SDK1: variants seen among roughly 807,000 people sequenced by gnomAD.
The protein encoded by SDK1 is protein sidekick-1.
SDK1 carries 157 observed loss-of-function variants against 245.5 expected under a neutral mutation model. That is an observed-to-expected ratio of 0.64 (90% confidence interval 0.56 to 0.73). The LOEUF is 0.73. Ranked by LOEUF, SDK1 falls within the 30% of genes least tolerant of loss-of-function variation. SDK1 has a pLI of 0.00. For missense variants in SDK1, 3,583 were observed against 3,002.3 expected, an observed-to-expected ratio of 1.19 and a Z score of -4.52; for synonymous variants, 1,647 against 1,278.5, an observed-to-expected ratio of 1.29 and a Z score of -6.15.
At chr7:3,951,079 A>G (rs371754236) in intron 6 of SDK1, 45 bp downstream of exon 6, 2 of 1,381,354 alleles carry the variant, frequency 1.4e-6, no homozygotes, top group African/African-American at 2.8e-5. Flanking sequence ...ATATTCCATG[A>G]CCTGTGACGA....
At chr7:3,428,780 G>C (rs11760339) in intron 1 of SDK1, among the ~76,000 whole-genome samples, 35,414 of 148,166 alleles carry the variant, frequency 0.24, 5,197 homozygotes, top group Middle Eastern at 0.35. Flanking sequence ...CCCAGCCTTG[G>C]AGTGATGAAA....
At chr7:4,065,074 C>A (rs1779785164) in intron 19 of SDK1, among the ~76,000 whole-genome samples, 1 of 152,118 alleles carries the variant, frequency 6.6e-6, no homozygotes, top group Admixed American at 6.6e-5. Flanking sequence ...ATGTTCACAA[C>A]ACATAGAAAT....
chr7:4,046,501 T>C (rs1167348969), intron 17 of SDK1, among the ~76,000 whole-genome samples: 2 of 152,236 alleles, frequency 1.3e-5, no homozygotes, highest in Non-Finnish European at 2.9e-5. Context: ...AATATAGATC[T>C]AGATTTTGTC....
At chr7:3,912,049 A>T (rs1437178877) in intron 5 of SDK1, among the ~76,000 whole-genome samples, 1 of 152,168 alleles carries the variant, frequency 6.6e-6, no homozygotes, top group Non-Finnish European at 1.5e-5. Context: ...GGCCCTGTTC[A>T]CTTAGAACAA....
At chr7:3,662,571 G>T (rs1044244672) in intron 4 of SDK1, among the ~76,000 whole-genome samples, 6 of 152,172 alleles carry the variant, frequency 3.9e-5, no homozygotes, top group African/African-American at 1.4e-4. Flanking sequence ...TGCTGACAAG[G>T]GCCGCTGCGG....
At chr7:3,435,631 C>CT (rs1213475919) in intron 1 of SDK1, among the ~76,000 whole-genome samples, 1 of 152,046 alleles carries the variant, frequency 6.6e-6, no homozygotes, top group Non-Finnish European at 1.5e-5. Flanking sequence ...TCCCAAAGTG[C>CT]TGGGATTACA....
At position 4,245,796 on chromosome 7, in the gene SDK1, A is replaced by G. The variant is rs766032879; in HGVS notation, c.6372A>G (p.Ser2124=). 2 of 1,613,898 alleles carry G rather than the reference A, an allele frequency of 1.2e-6. No homozygotes were observed. Among genetic ancestry groups the G allele is most frequent in the Non-Finnish European group, 1.7e-6 (2 of 1,179,928 alleles). ...TCAAGGAGAAGTCGGCAGATGCATC[A>G]GAATCTGAGGTCAGTGTCGGTGCCT... ...VSLKEKSADA[S]ESEATDSDYE... is the part of the protein sequence containing the mutation. Residue 2124 remains serine (S), a synonymous_variant, in exon 44 of 45, where the codon TCA becomes TCG. Coordinates refer to ENST00000404826, the MANE Select transcript of SDK1 (RefSeq NM_152744.4).
chr7:3,765,182 T>TA (rs912858798), intron 4 of SDK1, among the ~76,000 whole-genome samples: 4 of 151,708 alleles, frequency 2.6e-5, no homozygotes, highest in South Asian at 2.1e-4. Context: ...TGTGTGGCTT[T>TA]AAAAAAAAAT....
At chr7:3,729,963 G>T (rs1160655494) in intron 4 of SDK1, among the ~76,000 whole-genome samples, 1 of 151,808 alleles carries the variant, frequency 6.6e-6, no homozygotes. Context: ...TTTTCATTTT[G>T]TTGAACATAA....
intron 4 of SDK1, among the ~76,000 whole-genome samples, chr7:3,802,534 CAAA>C: frequency 7.0e-6 from 1 of 142,266 alleles, no homozygotes; most frequent in Admixed American, 7.0e-5. Flanking sequence ...GACCCTATAT[CAAA>C]AAAAAAAAAA....
At chr7:3,668,853 C>T (rs1014871609) in intron 4 of SDK1, among the ~76,000 whole-genome samples, 3 of 152,156 alleles carry the variant, frequency 2.0e-5, no homozygotes, top group African/African-American at 7.2e-5. Flanking sequence ...CACAAAGTGT[C>T]CATTTTCACC....
intron 1 of SDK1, among the ~76,000 whole-genome samples, chr7:3,489,350 G>A (rs890485337): frequency 1.3e-5 from 2 of 152,190 alleles, no homozygotes; most frequent in African/African-American, 4.8e-5. Flanking sequence ...ACAATTGAGC[G>A]TATTGTGGAA....
intron 1 of SDK1, among the ~76,000 whole-genome samples, chr7:3,567,980 C>G (rs1402952312): frequency 6.6e-6 from 1 of 152,028 alleles, no homozygotes; most frequent in Non-Finnish European, 1.5e-5. Flanking sequence ...CCATGCCTGG[C>G]TAATTTTTTG....
At chr7:3,531,231 C>T (rs907558053) in intron 1 of SDK1, among the ~76,000 whole-genome samples, 2 of 152,124 alleles carry the variant, frequency 1.3e-5, no homozygotes, top group Non-Finnish European at 2.9e-5. Flanking sequence ...TTTACTTGAT[C>T]ACATCGAGCA....
chr7:3,828,649 C>CT (rs1170806116), intron 5 of SDK1, among the ~76,000 whole-genome samples: 1,254 of 28,686 alleles, frequency 0.044, 99 homozygotes, highest in African/African-American at 0.12. Context: ...ATTTTTTGTT[C>CT]TTTTTTTTTT....
chr7:3,878,980 A>ATT (rs1210663526), intron 5 of SDK1, among the ~76,000 whole-genome samples: 1 of 152,194 alleles, frequency 6.6e-6, no homozygotes, highest in Non-Finnish European at 1.5e-5. Context: ...AATACAGATG[A>ATT]TCATAATGAA....
chr7:3,361,164 T>G (rs532149071), intron 1 of SDK1, among the ~76,000 whole-genome samples: 23 of 152,356 alleles, frequency 1.5e-4, no homozygotes, highest in African/African-American at 5.5e-4. Context: ...ATTACAATTA[T>G]TTATGGCCAG....
chr7:3,374,494 G>T (rs1781305840), intron 1 of SDK1, among the ~76,000 whole-genome samples: 2 of 152,128 alleles, frequency 1.3e-5, no homozygotes, highest in South Asian at 4.1e-4. Context: ...TTGTAACTCT[G>T]AAAGCCCTTC....
intron 17 of SDK1, among the ~76,000 whole-genome samples, chr7:4,025,778 G>C (rs1787296252): frequency 6.6e-6 from 1 of 152,138 alleles, no homozygotes; most frequent in South Asian, 2.1e-4. Flanking sequence ...TCCATCTTCA[G>C]CACCATAGCC....
Sources: allele counts gnomAD v4.1 joint callset (sites outside exome capture counted in the v4.1 genomes callset), GRCh38; gene constraint gnomAD v4.1.1; transcripts MANE v1.5; gene names NCBI Gene and HGNC (gene_info 2026-07-23, HGNC 2026-07-21).